NKAIN3: variants seen among roughly 807,000 people sequenced by gnomAD.
NKAIN3 encodes sodium/potassium-transporting ATPase subunit beta-1-interacting protein 3.
NKAIN3 carries 25 observed loss-of-function variants against 30.2 expected under a neutral mutation model. The ratio of observed to expected loss-of-function variants is 0.83; its 90% CI spans 0.60 to 1.16. The LOEUF (loss-of-function observed/expected upper bound fraction) is 1.16, where lower values mean the gene tolerates loss of function less well. Ranked by LOEUF, NKAIN3 falls within the 50% of genes most tolerant of loss-of-function variation. NKAIN3 has a pLI of 0.00. For missense variants in NKAIN3, 225 were observed against 254.1 expected, an observed-to-expected ratio of 0.89 and a Z score of 0.78; for synonymous variants, 91 against 89.6, an observed-to-expected ratio of 1.02 and a Z score of -0.09.
intron 4 of NKAIN3, among the ~76,000 whole-genome samples, chr8:62,774,707 T>C (rs139287316): frequency 3.3e-5 from 5 of 152,346 alleles, no homozygotes; most frequent in African/African-American, 9.6e-5. Context: ...TGTATTACAT[T>C]GTTTGATTTG....
chr8:62,630,335 C>A (rs1447097611), intron 3 of NKAIN3, among the ~76,000 whole-genome samples: 2 of 152,060 alleles, frequency 1.3e-5, no homozygotes, highest in African/African-American at 2.4e-5. Context: ...TTTCTTCCAA[C>A]TGAACACAAA....
chr8:62,559,843 A>G (rs574056956), intron 1 of NKAIN3, among the ~76,000 whole-genome samples: 4 of 152,214 alleles, frequency 2.6e-5, no homozygotes, highest in African/African-American at 9.6e-5. Context: ...GTATTTACCC[A>G]TATCTGTAAT....
chr8:62,292,912 T>C (rs1219307682), intron 1 of NKAIN3, among the ~76,000 whole-genome samples: 2 of 152,220 alleles, frequency 1.3e-5, no homozygotes, highest in Non-Finnish European at 2.9e-5. Flanking sequence ...CCATATTTCT[T>C]GGAGGCTTTG....
intron 5 of NKAIN3, among the ~76,000 whole-genome samples, chr8:62,922,191 T>C (rs1319289813): frequency 1.3e-5 from 2 of 152,226 alleles, no homozygotes; most frequent in Non-Finnish European, 2.9e-5. Flanking sequence ...TTTGAGGAAC[T>C]TTTTATTGGA....
At chr8:62,685,653 G>A (rs927187640) in intron 3 of NKAIN3, among the ~76,000 whole-genome samples, 1 of 152,114 alleles carries the variant, frequency 6.6e-6, no homozygotes, top group African/African-American at 2.4e-5. Flanking sequence ...AGTCACAGTG[G>A]CATTCAAATA....
At chr8:62,891,825 T>G (rs529597787) in intron 4 of NKAIN3, among the ~76,000 whole-genome samples, 1 of 152,306 alleles carries the variant, frequency 6.6e-6, no homozygotes, top group South Asian at 2.1e-4. Flanking sequence ...TTCATCACAC[T>G]CTTCATCCTC....
chr8:62,451,486 A>T (rs151050245), intron 1 of NKAIN3, among the ~76,000 whole-genome samples: 1 of 152,276 alleles, frequency 6.6e-6, no homozygotes, highest in African/African-American at 2.4e-5. Context: ...ATCTTCATAA[A>T]GTACATAAAT....
At chr8:62,532,840 G>A (rs1398855006) in intron 1 of NKAIN3, among the ~76,000 whole-genome samples, 1 of 152,120 alleles carries the variant, frequency 6.6e-6, no homozygotes, top group Non-Finnish European at 1.5e-5. Flanking sequence ...GAGTGACTAG[G>A]AATGAAAACG....
At chr8:62,874,837 A>T (rs1031029373) in intron 4 of NKAIN3, among the ~76,000 whole-genome samples, 3 of 152,206 alleles carry the variant, frequency 2.0e-5, no homozygotes, top group Admixed American at 2.0e-4. Flanking sequence ...GGAGCTATTT[A>T]TGACAGACCT....
intron 3 of NKAIN3, among the ~76,000 whole-genome samples, chr8:62,692,482 G>C (rs1001305997): frequency 6.6e-6 from 1 of 152,144 alleles, no homozygotes; most frequent in African/African-American, 2.4e-5. Flanking sequence ...TTATGAGAAA[G>C]AGGACTAGAA....
intron 5 of NKAIN3, among the ~76,000 whole-genome samples, chr8:62,952,655 A>G (rs897033878): frequency 2.0e-5 from 3 of 152,170 alleles, no homozygotes; most frequent in Non-Finnish European, 4.4e-5. Context: ...CAATTGAAAA[A>G]CTTAAATTGA....
chr8:62,853,577 T>A (rs910482794), intron 4 of NKAIN3, among the ~76,000 whole-genome samples: 2 of 152,134 alleles, frequency 1.3e-5, no homozygotes, highest in African/African-American at 4.8e-5. Context: ...TCTAATTGTG[T>A]TTATTTGAAT....
chr8:62,517,602 G>T (rs1433927349), intron 1 of NKAIN3, among the ~76,000 whole-genome samples: 6 of 152,116 alleles, frequency 3.9e-5, no homozygotes, highest in Non-Finnish European at 5.9e-5. Flanking sequence ...AGGCAGGGAA[G>T]TTTAATCCCC....
At chr8:62,250,937 T>G (rs1812081777) in intron 1 of NKAIN3, among the ~76,000 whole-genome samples, 1 of 152,176 alleles carries the variant, frequency 6.6e-6, no homozygotes, top group East Asian at 1.9e-4. Flanking sequence ...CTTAAATAAT[T>G]TTAAGTTATT....
chr8:62,867,568 A>G (rs1306034939), intron 4 of NKAIN3, among the ~76,000 whole-genome samples: 1 of 152,212 alleles, frequency 6.6e-6, no homozygotes. Flanking sequence ...AGACTTATGC[A>G]AGAGGAACCA....
Position 62,504,900 on chromosome 8 carries a change from T to C in NKAIN3, c.55-74639T>C, listed in dbSNP as rs137955234. Among the ~76,000 whole-genome samples the C allele has an allele frequency of 3.4e-3, 519 of 152,324 alleles. 1 individual carries two copies. Among genetic ancestry groups the C allele is most frequent in the African/African-American group, 0.012 (488 of 41,576 alleles). On this transcript the variant is annotated intron_variant, in intron 1 of 6. Transcript: ENST00000623646. Reference sequence around the variant, plus strand: ...CAAGCTATCCAGGTTAATGACTTTCTTTCAGTTTTGAATGCTCTTCTTCCC... The same window carrying C: ...CAAGCTATCCAGGTTAATGACTTTCCTTCAGTTTTGAATGCTCTTCTTCCC...
At position 62,970,440 on chromosome 8, in the gene NKAIN3, T is replaced by A. The variant is rs1320425138; in HGVS notation, c.*5033T>A. ...TTAAATATTGGTATTTGTAGAAAAA[T>A]TTGGTGGCAGGCAAAACTTGAATCA... On this transcript the variant is annotated 3_prime_UTR_variant, in exon 7 of 7. Coordinates refer to ENST00000623646, the MANE Select transcript of NKAIN3 (RefSeq NM_001304533.3). Among the ~76,000 whole-genome samples the A allele has an allele frequency of 1.3e-5, 2 of 152,102 alleles. No individual in the cohort carries two copies. Among genetic ancestry groups the A allele is most frequent in the African/African-American group, 4.8e-5 (2 of 41,418 alleles).
intron 3 of NKAIN3, among the ~76,000 whole-genome samples, chr8:62,722,700 C>A (rs1179315686): frequency 6.6e-6 from 1 of 152,108 alleles, no homozygotes; most frequent in East Asian, 1.9e-4. Context: ...AGTTTCATCT[C>A]AGTTCATCCC....
intron 1 of NKAIN3, among the ~76,000 whole-genome samples, chr8:62,451,361 G>C (rs973810454): frequency 7.9e-6 from 1 of 126,382 alleles, no homozygotes; most frequent in Non-Finnish European, 1.6e-5. Flanking sequence ...TCTCTTCATC[G>C]AATCACCTTT....
Sources: gnomAD v4.1 joint callset for allele counts (sites outside exome capture counted in the v4.1 genomes callset) on GRCh38, gnomAD v4.1.1 for gene constraint, MANE v1.5 for transcripts, NCBI Gene and HGNC (gene_info 2026-07-23, HGNC 2026-07-21) for gene names.